The following CRISPLD1 variants were observed in gnomAD, a reference collection of about 807,000 sequenced individuals.
The protein encoded by CRISPLD1 is cysteine-rich secretory protein LCCL domain-containing 1.
In CRISPLD1, 60 loss-of-function variants were observed where a neutral mutation model predicts 77.5. The observed-to-expected ratio is 0.77, with a 90% CI of 0.63 to 0.96. The LOEUF is 0.96. CRISPLD1 is among the 40% of genes least tolerant of loss of function. The pLI is 0.00. For missense variants in CRISPLD1, 623 were observed against 615.8 expected, an observed-to-expected ratio of 1.01 and a Z score of -0.12; for synonymous variants, 195 against 200.1, an observed-to-expected ratio of 0.97 and a Z score of 0.22.
intron 2 of CRISPLD1, among the ~76,000 whole-genome samples, chr8:74,986,474 G>A (rs561439536): frequency 1.3e-5 from 2 of 152,174 alleles, no homozygotes; most frequent in Non-Finnish European, 2.9e-5. Flanking sequence ...CCTACTAAGT[G>A]CTGTAAATTC....
intron 5 of CRISPLD1, 134 bp from the exon 6 acceptor site, chr8:75,014,678 A>G: frequency 1.1e-5 from 6 of 553,010 alleles, no homozygotes; most frequent in Non-Finnish European, 1.8e-5. Flanking sequence ...AGGGCTCTAT[A>G]ATAAATTATA....
chr8:75,012,362 G>T (rs998585288), intron 2 of CRISPLD1, 71 bp from the exon 3 acceptor site: 1 of 879,454 alleles, frequency 1.1e-6, no homozygotes, highest in Non-Finnish European at 1.9e-6. Context: ...TGTAAGAACT[G>T]CTCAACACTG....
At chr8:75,029,344 C>T in intron 13 of CRISPLD1, 43 bp from the exon 14 acceptor site, 1 of 1,590,384 alleles carries the variant, frequency 6.3e-7, no homozygotes, top group Non-Finnish European at 8.6e-7. Context: ...ACAAGTCCAG[C>T]AGGAATTTCC....
intron 12 of CRISPLD1, among the ~76,000 whole-genome samples, chr8:75,022,452 G>T (rs1267647863): frequency 6.6e-6 from 1 of 151,988 alleles, no homozygotes; most frequent in Non-Finnish European, 1.5e-5. Context: ...AGCCGGGCGT[G>T]GGGGCGGGTG....
intron 2 of CRISPLD1, among the ~76,000 whole-genome samples, chr8:74,993,625 GA>G (rs1267644549): frequency 6.6e-6 from 1 of 151,974 alleles, no homozygotes; most frequent in African/African-American, 2.4e-5. Context: ...AATACCTATA[GA>G]AAAAAAAGTG....
At chr8:75,013,885 CGTT>C in intron 4 of CRISPLD1, 99 bp from the exon 5 acceptor site, 1 of 741,710 alleles carries the variant, frequency 1.3e-6, no homozygotes, top group Non-Finnish European at 2.4e-6. Context: ...GAATGATAAA[CGTT>C]GGCTTCTCAC....
chr8:75,001,189 A>G (rs184518822), intron 2 of CRISPLD1, among the ~76,000 whole-genome samples: 1 of 152,344 alleles, frequency 6.6e-6, no homozygotes, highest in Non-Finnish European at 1.5e-5. Flanking sequence ...ACACAATTTT[A>G]TATAAAACAA....
Position 75,020,088 on chromosome 8 carries a change from G to A in CRISPLD1, c.1244+9G>A. 6.2e-7 allele frequency: 1 copy of A among 1,610,748 alleles called. No individual in the cohort carries two copies. Among genetic ancestry groups the A allele is most frequent in the Non-Finnish European group, 8.5e-7 (1 of 1,176,954 alleles). Reference sequence around the variant, plus strand: ...GCTTCACATTGCCCAAGGTAAACCAGTGTACACATAGGGGGCTTTGGCCCT... The same window carrying A: ...GCTTCACATTGCCCAAGGTAAACCAATGTACACATAGGGGGCTTTGGCCCT... On this transcript the variant is annotated intron_variant, in intron 12 of 14. Coordinates refer to ENST00000262207, the MANE Select transcript of CRISPLD1 (RefSeq NM_031461.6).
intron 2 of CRISPLD1, among the ~76,000 whole-genome samples, chr8:74,995,713 CAT>C (rs1812636928): frequency 6.6e-6 from 1 of 152,190 alleles, no homozygotes; most frequent in African/African-American, 2.4e-5. Context: ...AATTAGGGAA[CAT>C]ATCTCAATTT....
At chr8:75,019,983 T>C (rs1262151988) in intron 11 of CRISPLD1, 24 bp from the exon 12 acceptor site, 3 of 1,613,348 alleles carry the variant, frequency 1.9e-6, no homozygotes. Flanking sequence ...GATTCACTCA[T>C]TGTTTTGTGT....
At chr8:75,005,344 C>T (rs150674210) in intron 2 of CRISPLD1, among the ~76,000 whole-genome samples, 20 of 152,048 alleles carry the variant, frequency 1.3e-4, no homozygotes, top group East Asian at 9.7e-4. Context: ...ATTTCAGCTC[C>T]GTAATGTTAG....
chr8:75,032,155 A>C, intron 14 of CRISPLD1, 36 bp from the exon 15 acceptor site: 1 of 1,434,486 alleles, frequency 7.0e-7, no homozygotes, highest in Non-Finnish European at 9.7e-7. Context: ...TAGAGATGAC[A>C]TCAATATACT....
chr8:75,029,809 C>T (rs1563404791), intron 14 of CRISPLD1, among the ~76,000 whole-genome samples: 1 of 152,100 alleles, frequency 6.6e-6, no homozygotes, highest in Non-Finnish European at 1.5e-5. Flanking sequence ...TTCTTTCATC[C>T]TCTTTTGGAT....
chr8:75,004,943 C>T (rs777237683), intron 2 of CRISPLD1, among the ~76,000 whole-genome samples: 1 of 152,056 alleles, frequency 6.6e-6, no homozygotes, highest in Non-Finnish European at 1.5e-5. Flanking sequence ...TTAAGATTAT[C>T]TTCTTACTCA....
intron 6 of CRISPLD1, among the ~76,000 whole-genome samples, chr8:75,015,408 A>G (rs1813010757): frequency 1.3e-5 from 2 of 152,198 alleles, no homozygotes; most frequent in Admixed American, 1.3e-4. Flanking sequence ...TAAGAAAAGT[A>G]TAATAGTAAC....
At chr8:75,006,868 G>A (rs928458627) in intron 2 of CRISPLD1, among the ~76,000 whole-genome samples, 3 of 151,848 alleles carry the variant, frequency 2.0e-5, no homozygotes, top group Non-Finnish European at 4.4e-5. Flanking sequence ...ATATGTGAAA[G>A]TCTGATTACA....
At chr8:75,000,270 G>A (rs763187536) in intron 2 of CRISPLD1, 32 of 985,304 alleles carry the variant, frequency 3.2e-5, no homozygotes, top group Non-Finnish European at 3.7e-5. Flanking sequence ...GAGATCAGAT[G>A]TTGTCCAGAG....
intron 2 of CRISPLD1, among the ~76,000 whole-genome samples, chr8:75,006,613 A>G (rs533111460): frequency 5.3e-5 from 8 of 152,278 alleles, no homozygotes; most frequent in African/African-American, 1.9e-4. Context: ...AAGAGTTTCT[A>G]GTCAATAATT....
At chr8:75,013,069 G>GT in intron 4 of CRISPLD1, 47 bp downstream of exon 4, 1 of 1,416,722 alleles carries the variant, frequency 7.1e-7, no homozygotes, top group Non-Finnish European at 9.4e-7. Context: ...TTGAGTTAAT[G>GT]TAACTATGAA....
Sources: gnomAD v4.1 joint callset for allele counts (sites outside exome capture counted in the v4.1 genomes callset) on GRCh38, gnomAD v4.1.1 for gene constraint, MANE v1.5 for transcripts, NCBI Gene and HGNC (gene_info 2026-07-23, HGNC 2026-07-21) for gene names.